The following WDR44 variants were observed in gnomAD, a reference collection of about 807,000 sequenced individuals.
WDR44 encodes the protein WD repeat domain 44, also known as WD repeat-containing protein 44.
WDR44 carries 9 observed loss-of-function variants against 65.7 expected under a neutral mutation model. That is an observed-to-expected ratio of 0.14 (90% CI 0.08 to 0.24). The LOEUF is 0.24. WDR44 is among the 10% of genes least tolerant of loss of function. The pLI is 1.00. For synonymous variants in WDR44, 220 were observed against 235.2 expected, an observed-to-expected ratio of 0.94 and a Z score of 0.59; for missense variants, 425 against 670.9, an observed-to-expected ratio of 0.63 and a Z score of 4.05.
At chrX:118,366,451 C>G (rs2056553281) in intron 1 of WDR44, among the ~76,000 whole-genome samples, 1 of 111,541 alleles carries the variant, frequency 9.0e-6, no homozygotes, top group Admixed American at 9.6e-5. Flanking sequence ...CATGAAGATG[C>G]AATCAACAAA....
chrX:118,448,967 A>G lies in WDR44; in HGVS notation c.2722A>G (p.Lys908Glu), dbSNP rs769318221. Residue 908 changes from lysine to glutamate, a missense_variant, in exon 20 of 20, where the codon AAA (lysine) becomes GAA (glutamate). Transcript: ENST00000254029. ...TGGAGCAATCAAAGTGTTTGTTAAT[A>G]AAAGAAAAAATGTATCTTAATTTGA... ...FTGAIKVFVN[K>E]RKNVS 6 of 1,186,467 alleles carry G rather than the reference A, an allele frequency of 5.1e-6. No individual in the cohort carries two copies. The African/African-American group carries it at 8.8e-5, about 17-fold the overall frequency.
chrX:118,387,112 G>A (rs1285821954), intron 2 of WDR44, among the ~76,000 whole-genome samples: 2 of 102,702 alleles, frequency 1.9e-5, no homozygotes, highest in Non-Finnish European at 3.9e-5. Flanking sequence ...AACCCGGGAA[G>A]CAGAGGTTGC....
chrX:118,415,547 A>C (rs2057050449), intron 12 of WDR44, among the ~76,000 whole-genome samples: 1 of 112,007 alleles, frequency 8.9e-6, no homozygotes, highest in African/African-American at 3.2e-5. Flanking sequence ...TCTGTTGCCC[A>C]GGCTGGAGTG....
intron 5 of WDR44, 152 bp downstream of exon 5, chrX:118,394,337 C>A: frequency 1.3e-6 from 1 of 774,486 alleles, no homozygotes; most frequent in Non-Finnish European, 1.8e-6. Context: ...CTGCTACATG[C>A]TAACTGGGTG....
intron 12 of WDR44, among the ~76,000 whole-genome samples, chrX:118,431,646 T>C (rs966105523): frequency 2.7e-5 from 3 of 112,125 alleles, no homozygotes; most frequent in African/African-American, 6.5e-5. Context: ...TCTACCCTAA[T>C]TTCTGACTAC....
chrX:118,395,708 T>C (rs775007527), intron 6 of WDR44, among the ~76,000 whole-genome samples: 88 of 111,982 alleles, frequency 7.9e-4, no homozygotes, highest in African/African-American at 2.7e-3. Flanking sequence ...TTATATTTTA[T>C]AGAAAGTGGG....
At chrX:118,410,137 G>A (rs2057000972) in intron 11 of WDR44, among the ~76,000 whole-genome samples, 1 of 112,038 alleles carries the variant, frequency 8.9e-6, no homozygotes, top group Non-Finnish European at 1.9e-5. Flanking sequence ...AGGAAAGTAT[G>A]TAGAACTGAT....
At chrX:118,404,891 G>A (rs12832172) in intron 9 of WDR44, among the ~76,000 whole-genome samples, 12,438 of 109,346 alleles carry the variant, frequency 0.11, 666 homozygotes, top group Admixed American at 0.25. Context: ...TAGTAGAGAC[G>A]GGGTTTCACT....
chrX:118,385,013 A>G (rs181857925), intron 2 of WDR44, among the ~76,000 whole-genome samples: 29 of 111,477 alleles, frequency 2.6e-4, no homozygotes, highest in Non-Finnish European at 4.3e-4. Context: ...TTGCACATTT[A>G]TTTTGTATCC....
chrX:118,449,363 TA>T lies in WDR44; in HGVS notation c.*377del, dbSNP rs1439983249. On this transcript the variant is annotated 3_prime_UTR_variant, in exon 20 of 20. Transcript: ENST00000254029. ...TTCAGTGGCTCTTTTGGCCTCTTAC[TA>T]GGGGGGATAGTCTTGTTTCTAGCTT... 3.5e-5 allele frequency: 4 copies of T among 114,348 alleles called. No homozygotes were observed. Among genetic ancestry groups the T allele is most frequent in the African/African-American group, 9.7e-5 (3 of 30,982 alleles). 9.4% of individuals were successfully genotyped at this position (114,348 alleles called of 1,213,427 possible).
intron 1 of WDR44, among the ~76,000 whole-genome samples, chrX:118,349,607 G>A (rs1191229955): frequency 1.8e-5 from 2 of 108,849 alleles, no homozygotes; most frequent in Non-Finnish European, 3.8e-5. Context: ...GCCCAGGCTG[G>A]AGTGCAGTGG....
intron 1 of WDR44, among the ~76,000 whole-genome samples, chrX:118,363,281 A>G (rs1319745464): frequency 9.3e-6 from 1 of 107,068 alleles, no homozygotes; most frequent in Non-Finnish European, 1.9e-5. Context: ...AGGCACTTGC[A>G]ATCCCAGCTA....
At chrX:118,443,873 T>A (rs1286284149) in intron 18 of WDR44, among the ~76,000 whole-genome samples, 186 bp downstream of exon 18, 1 of 110,543 alleles carries the variant, frequency 9.0e-6, no homozygotes, top group Non-Finnish European at 1.9e-5. Context: ...TGAAACTCTG[T>A]CTCTACTAAA....
At chrX:118,403,151 G>A (rs1454855719) in intron 8 of WDR44, among the ~76,000 whole-genome samples, 1 of 112,217 alleles carries the variant, frequency 8.9e-6, no homozygotes, top group East Asian at 2.8e-4. Flanking sequence ...AATGGCACAC[G>A]ATTTAAAACT....
intron 1 of WDR44, among the ~76,000 whole-genome samples, chrX:118,357,618 A>G (rs1485155006): frequency 9.0e-6 from 1 of 111,706 alleles, no homozygotes; most frequent in African/African-American, 3.3e-5. Flanking sequence ...GTGGTGGCTC[A>G]TGCCTGTAAT....
intron 9 of WDR44, 79 bp from the exon 10 acceptor site, chrX:118,406,796 G>A: frequency 2.0e-6 from 2 of 980,201 alleles, no homozygotes; most frequent in South Asian, 6.4e-5. Flanking sequence ...GAATTTTCTT[G>A]GTATGCAGGA....
At chrX:118,424,807 G>C (rs188629988) in intron 12 of WDR44, among the ~76,000 whole-genome samples, 99 of 111,169 alleles carry the variant, frequency 8.9e-4, no homozygotes, top group African/African-American at 2.9e-3. Flanking sequence ...TTTTTTTCCT[G>C]TTTTCTTCTA....
rs749182214 is a variant in WDR44, at chrX:118,442,380, T to G, written c.2268+35T>G. ...TATTCAAAACCATCTCTCTCCATACTATATGTAGATTCTTGAAAGTTCTTA... is the reference window on the plus strand; with the variant it reads ...TATTCAAAACCATCTCTCTCCATACGATATGTAGATTCTTGAAAGTTCTTA... On this transcript the variant is annotated intron_variant, in intron 16 of 19. Transcript: ENST00000254029. 8 of 1,071,458 alleles carry G rather than the reference T, an allele frequency of 7.5e-6. No individual in the cohort carries two copies. The African/African-American group carries it at 1.5e-4, about 20-fold the overall frequency. The allele number at this position is 1,071,458 out of a possible 1,213,427, so 88.3% of individuals were successfully genotyped here.
intron 1 of WDR44, among the ~76,000 whole-genome samples, chrX:118,351,417 A>G (rs1340926252): frequency 6.2e-5 from 7 of 112,106 alleles, no homozygotes; most frequent in African/African-American, 6.5e-5. Flanking sequence ...CTGAATTGAA[A>G]ATTGATACAA....
Sources: allele counts gnomAD v4.1 joint callset (sites outside exome capture counted in the v4.1 genomes callset), GRCh38; gene constraint gnomAD v4.1.1; transcripts MANE v1.5; gene names NCBI Gene and HGNC (gene_info 2026-07-23, HGNC 2026-07-21).